CASK: variants seen among roughly 807,000 people sequenced by gnomAD.
CASK encodes calcium/calmodulin dependent serine protein kinase.
CASK carries 4 observed loss-of-function variants against 82.9 expected under a neutral mutation model. The observed-to-expected ratio is 0.05, with a 90% confidence interval of 0.02 to 0.11. The LOEUF (loss-of-function observed/expected upper bound fraction) is 0.11, where lower values mean the gene tolerates loss of function less well. Ranked by LOEUF, CASK falls within the 10% of genes least tolerant of loss-of-function variation. The pLI is 1.00. For missense variants in CASK, 358 were observed against 720.9 expected (o/e 0.50, Z 5.76); for synonymous variants, 259 against 253.5 (o/e 1.02, Z -0.20).
At chrX:41,907,063 TG>T (rs2148076538) in intron 1 of CASK, among the ~76,000 whole-genome samples, 1 of 112,228 alleles carries the variant, frequency 8.9e-6, no homozygotes, top group Admixed American at 9.4e-5. Context: ...GTAAGTTGAT[TG>T]GGAAAGCCTA....
At chrX:41,582,014 A>C (rs2065586851) in intron 14 of CASK, among the ~76,000 whole-genome samples, 1 of 111,017 alleles carries the variant, frequency 9.0e-6, no homozygotes, top group African/African-American at 3.3e-5. Context: ...GGGTTTAATT[A>C]CACCAGCTTA....
chrX:41,840,504 G>A (rs1467825346), intron 2 of CASK, among the ~76,000 whole-genome samples: 1 of 111,879 alleles, frequency 8.9e-6, no homozygotes, highest in Non-Finnish European at 1.9e-5. Flanking sequence ...TTTCTACATA[G>A]ACAATCATGT....
chrX:41,525,811 G>A (rs757544136), intron 25 of CASK, among the ~76,000 whole-genome samples: 2 of 111,729 alleles, frequency 1.8e-5, no homozygotes, highest in South Asian at 7.6e-4. Flanking sequence ...TGACATGAAA[G>A]GTTCTTTCTT....
intron 2 of CASK, among the ~76,000 whole-genome samples, chrX:41,846,029 C>A (rs994138294): frequency 9.0e-6 from 1 of 111,287 alleles, no homozygotes; most frequent in African/African-American, 3.3e-5. Context: ...CCTCAAAAAA[C>A]TAAAAATAGA....
At chrX:41,648,338 A>G (rs1355392323) in intron 8 of CASK, among the ~76,000 whole-genome samples, 1 of 111,478 alleles carries the variant, frequency 9.0e-6, no homozygotes, top group East Asian at 2.8e-4. Context: ...GATGTTATCA[A>G]TGACAATAGT....
intron 14 of CASK, among the ~76,000 whole-genome samples, chrX:41,580,096 A>T (rs2065550750): frequency 9.0e-6 from 1 of 111,721 alleles, no homozygotes; most frequent in Non-Finnish European, 1.9e-5. Flanking sequence ...TTGTACTGGT[A>T]CTCCTGAGCC....
chrX:41,577,952 A>G (rs1300892800), intron 15 of CASK, among the ~76,000 whole-genome samples: 5 of 112,248 alleles, frequency 4.5e-5, no homozygotes, highest in Non-Finnish European at 9.4e-5. Context: ...TCTGAAAACT[A>G]TAAGATTTAT....
chrX:41,835,691 G>C (rs928724776), intron 2 of CASK, among the ~76,000 whole-genome samples: 1 of 112,104 alleles, frequency 8.9e-6, no homozygotes, highest in African/African-American at 3.2e-5. Context: ...ACAAGTATGA[G>C]TCATTTTAGT....
chrX:41,717,018 C>T (rs2068073223), intron 5 of CASK, among the ~76,000 whole-genome samples: 2 of 110,487 alleles, frequency 1.8e-5, no homozygotes, highest in African/African-American at 6.6e-5. Context: ...TGCCCTTAGT[C>T]ACTCACTCTG....
chrX:41,634,653 G>A (rs899406735), intron 9 of CASK, among the ~76,000 whole-genome samples: 23 of 112,508 alleles, frequency 2.0e-4, no homozygotes, highest in Non-Finnish European at 3.9e-4. Context: ...CCCATACAGC[G>A]TAATGTCACA....
intron 5 of CASK, among the ~76,000 whole-genome samples, chrX:41,716,041 T>C (rs1419235137): frequency 2.7e-5 from 3 of 111,944 alleles, no homozygotes; most frequent in African/African-American, 3.3e-5. Flanking sequence ...ACAGAAGATA[T>C]TGCACATATT....
chrX:41,913,141 G>A (rs997293754), intron 1 of CASK, among the ~76,000 whole-genome samples: 31 of 110,856 alleles, frequency 2.8e-4, no homozygotes, highest in African/African-American at 9.5e-4. Context: ...TGTGTCTGTT[G>A]GTTACCAAGT....
chrX:41,736,915 ATAAT>A (rs2068508907), intron 5 of CASK, among the ~76,000 whole-genome samples: 1 of 111,875 alleles, frequency 8.9e-6, no homozygotes, highest in African/African-American at 3.3e-5. Context: ...ACCTTGCACA[ATAAT>A]TATTTGTCTT....
chrX:41,678,314 T>C (rs759477682), intron 5 of CASK, among the ~76,000 whole-genome samples: 36 of 111,357 alleles, frequency 3.2e-4, no homozygotes, highest in Middle Eastern at 4.6e-3. Flanking sequence ...CTTTTTTTTT[T>C]CCAATGTTCA....
At chrX:41,825,820 GA>G (rs2070652922) in intron 2 of CASK, among the ~76,000 whole-genome samples, 1 of 112,195 alleles carries the variant, frequency 8.9e-6, no homozygotes, top group Non-Finnish European at 1.9e-5. Flanking sequence ...CTTAAGAGAA[GA>G]ATGCCAAAAC....
chrX:41,580,646 T>C (rs2065561323), intron 14 of CASK, among the ~76,000 whole-genome samples: 1 of 111,964 alleles, frequency 8.9e-6, no homozygotes, highest in Admixed American at 9.5e-5. Flanking sequence ...AAATGATTGC[T>C]ACCACAAAAC....
intron 5 of CASK, among the ~76,000 whole-genome samples, chrX:41,677,130 A>C (rs933716668): frequency 1.9e-5 from 2 of 107,609 alleles, no homozygotes; most frequent in African/African-American, 6.8e-5. Context: ...AACATGGCAA[A>C]ACCCCATCTC....
chrX:41,624,244 G>GAGT (rs1416163716), intron 10 of CASK: 1 of 348,233 alleles, frequency 2.9e-6, no homozygotes, highest in East Asian at 8.4e-5. Flanking sequence ...GAACAAAATG[G>GAGT]AGTGGAAGAA....
At chrX:41,572,169 C>T (rs896393403) in intron 15 of CASK, among the ~76,000 whole-genome samples, 1 of 108,621 alleles carries the variant, frequency 9.2e-6, no homozygotes, top group African/African-American at 3.4e-5. Flanking sequence ...ACTGCATCCT[C>T]GAACTCCTGG....
Sources: gnomAD v4.1 joint callset for allele counts (sites outside exome capture counted in the v4.1 genomes callset) on GRCh38, gnomAD v4.1.1 for gene constraint, MANE v1.5 for transcripts, NCBI Gene and HGNC (gene_info 2026-07-23, HGNC 2026-07-21) for gene names.